The following ASZ1 variants were observed in gnomAD, a reference collection of about 807,000 sequenced individuals.
ASZ1 encodes ankyrin repeat, SAM and basic leucine zipper domain-containing protein 1.
In ASZ1, 67 loss-of-function variants were observed where a neutral mutation model predicts 61.8. The ratio of observed to expected loss-of-function variants is 1.08; its 90% CI spans 0.89 to 1.33. ASZ1 has a LOEUF of 1.33. ASZ1 is among the 40% of genes most tolerant of loss of function. The probability of loss-of-function intolerance (pLI) is 0.00; values close to 1 mark genes in which losing one functional copy is unlikely to be tolerated. For synonymous variants in ASZ1, 193 were observed against 192.7 expected (o/e 1.00, Z -0.01); for missense variants, 577 against 554.5 (o/e 1.04, Z -0.41).
chr7:117,387,166 T>G (rs76090701), intron 4 of ASZ1, among the ~76,000 whole-genome samples: 1 of 126,404 alleles, frequency 7.9e-6, no homozygotes, highest in Non-Finnish European at 1.6e-5. Context: ...AAAAAAAAAA[T>G]TAGCTGGATG....
In ASZ1 at chr7:117,427,394, C is replaced by G. The variant is rs1174627437; in HGVS notation, c.67G>C (p.Asp23His). 6.2e-7 allele frequency: 1 copy of G among 1,614,120 alleles called. No homozygotes were observed. The highest frequency in any genetic ancestry group is 1.3e-5 in the African/African-American group (1 of 74,952). Residue 23 changes from aspartate to histidine, a missense_variant, in exon 1 of 13, where the codon GAT becomes CAT. Physicochemically the swap from Asp to His is moderately conservative, Grantham distance 81. Transcript: ENST00000284629. Reference sequence around the variant, plus strand: ...TCGAGATACCCAATCTCCCAGCCATCATCCTCGCTCTCGCTACTCTCGCCT... The same window carrying G: ...TCGAGATACCCAATCTCCCAGCCATGATCCTCGCTCTCGCTACTCTCGCCT... ...GGGESSESED[D>H]GWEIGYLDRT... is the part of the protein sequence containing the mutation.
intron 12 of ASZ1, among the ~76,000 whole-genome samples, chr7:117,364,672 G>C (rs539199323): frequency 2.0e-5 from 3 of 152,062 alleles, no homozygotes; most frequent in Admixed American, 1.3e-4. Context: ...AAATTCTACA[G>C]TGTAAATATT....
chr7:117,420,863 G>C lies in ASZ1; in HGVS notation c.329-589C>G, dbSNP rs1562861818. Among the ~76,000 whole-genome samples the C allele has an allele frequency of 2.6e-5, 4 of 152,118 alleles. No homozygotes were observed. In the South Asian group the frequency reaches 8.3e-4, roughly 32 times the overall value. The stretch of plus-strand genomic sequence containing the variant: ...ACAAAAAACACCTATTTTGAATTAA[G>C]ACTTCAAAATAGGTCACAACAGCTA... On this transcript the variant is annotated intron_variant, in intron 3 of 12. Transcript: ENST00000284629.
At chr7:117,419,920 T>C (rs1284323678) in intron 4 of ASZ1, among the ~76,000 whole-genome samples, 1 of 152,226 alleles carries the variant, frequency 6.6e-6, no homozygotes, top group East Asian at 1.9e-4. Flanking sequence ...TATAGTTTAT[T>C]GTCCTCCTTT....
intron 4 of ASZ1, among the ~76,000 whole-genome samples, chr7:117,398,090 A>G (rs1335189992): frequency 6.6e-6 from 1 of 152,238 alleles, no homozygotes; most frequent in Non-Finnish European, 1.5e-5. Flanking sequence ...GTTGGTCTTC[A>G]TGTCATATTT....
intron 3 of ASZ1, 39 bp downstream of exon 3, chr7:117,422,198 C>A (rs961993116): frequency 1.3e-6 from 2 of 1,592,072 alleles, no homozygotes; most frequent in African/African-American, 2.7e-5. Flanking sequence ...CAAGGAATCA[C>A]AGTAAGCATA....
chr7:117,392,561 A>G (rs1253783593), intron 4 of ASZ1, among the ~76,000 whole-genome samples: 1 of 152,140 alleles, frequency 6.6e-6, no homozygotes, highest in Non-Finnish European at 1.5e-5. Context: ...GACTTTACTA[A>G]AGTTATTTAA....
chr7:117,372,908 T>C (rs1262150575), intron 10 of ASZ1, among the ~76,000 whole-genome samples: 2 of 152,170 alleles, frequency 1.3e-5, no homozygotes, highest in African/African-American at 4.8e-5. Context: ...ATAATTTTAA[T>C]GATGAAAAAA....
Position 117,382,104 on chromosome 7 carries a change from C to A in ASZ1, c.853G>T (p.Gly285Cys). 1.5e-5 allele frequency: 24 copies of A among 1,599,668 alleles called. No individual in the cohort carries two copies. Among genetic ancestry groups the A allele is most frequent in the Non-Finnish European group, 2.1e-5 (24 of 1,167,554 alleles). The stretch of plus-strand genomic sequence containing the variant: ...TCTGTCATATGTTCAAGTCCAAGAC[C>A]ATGTAAAAATACTTCCAGATCTCCA... ...AFGDLEVFLH[G>C]LGLEHMTDLL... Residue 285 changes from glycine to cysteine, a missense_variant, in exon 8 of 13, where the codon GGT becomes TGT. Physicochemically the swap from Gly to Cys is radical, Grantham distance 159. Transcript: ENST00000284629.
At chr7:117,385,599 A>G (rs776935474) in intron 5 of ASZ1, 99 bp downstream of exon 5, 6 of 983,172 alleles carry the variant, frequency 6.1e-6, no homozygotes, top group Non-Finnish European at 9.1e-6. Flanking sequence ...TAGCAATTAT[A>G]TTCCAGCCCT....
rs1296162068 is a variant in ASZ1, at chr7:117,427,452, C to T, written c.9G>A (p.Ala3=). ...CCACTGGCAGGCCTCGCAGCGCGCTCGCCGCCATGCCAGCCAAGGAAGCTC... is the reference window on the plus strand; with the variant it reads ...CCACTGGCAGGCCTCGCAGCGCGCTTGCCGCCATGCCAGCCAAGGAAGCTC... MA[A]SALRGLPVAG... Residue 3 remains alanine (A), a synonymous_variant, in exon 1 of 13, where the codon GCG becomes GCA. Transcript: ENST00000284629. The T allele has an allele frequency of 6.2e-7, 1 of 1,613,778 alleles. No individual in the cohort carries two copies. The highest frequency in any genetic ancestry group is 2.2e-5 in the East Asian group (1 of 44,868).
intron 3 of ASZ1, 24 bp from the exon 4 acceptor site, chr7:117,420,298 A>G: frequency 6.5e-7 from 1 of 1,526,852 alleles, no homozygotes. Flanking sequence ...AAAAGTGAGG[A>G]AAAATCCCCA....
At chr7:117,372,106 T>C (rs1796060578) in intron 10 of ASZ1, among the ~76,000 whole-genome samples, 2 of 152,176 alleles carry the variant, frequency 1.3e-5, no homozygotes, top group South Asian at 4.1e-4. Context: ...GTACAGTATA[T>C]AACCTACACA....
At chr7:117,368,390 C>T in intron 11 of ASZ1, 1 of 1,208,216 alleles carries the variant, frequency 8.3e-7, no homozygotes, top group Non-Finnish European at 1.0e-6. Flanking sequence ...AATTTTTGGT[C>T]TGACTCATTT....
chr7:117,421,151 TTAA>T (rs1797092889), intron 3 of ASZ1, among the ~76,000 whole-genome samples: 1 of 152,234 alleles, frequency 6.6e-6, no homozygotes, highest in Admixed American at 6.5e-5. Context: ...TAATTATTAA[TTAA>T]TTTTTTGAGC....
chr7:117,381,933 G>A (rs932826242), intron 8 of ASZ1, 136 bp downstream of exon 8: 5 of 606,710 alleles, frequency 8.2e-6, no homozygotes, highest in Non-Finnish European at 1.5e-5. Flanking sequence ...ATTTAAAATT[G>A]GGATGTACTA....
intron 4 of ASZ1, among the ~76,000 whole-genome samples, chr7:117,400,347 GA>G (rs1796656547): frequency 6.6e-6 from 1 of 152,138 alleles, no homozygotes; most frequent in Admixed American, 6.6e-5. Context: ...AATATGCCTG[GA>G]GACACAGTAG....
intron 2 of ASZ1, among the ~76,000 whole-genome samples, chr7:117,423,229 G>A (rs577713238): frequency 6.6e-6 from 1 of 151,892 alleles, no homozygotes; most frequent in Non-Finnish European, 1.5e-5. Context: ...TTTGTATTTT[G>A]TTGTTTTTTT....
chr7:117,381,911 T>C (rs1208895509), intron 8 of ASZ1, among the ~76,000 whole-genome samples, 158 bp downstream of exon 8: 1 of 152,190 alleles, frequency 6.6e-6, no homozygotes. Flanking sequence ...ATTTTTGCAA[T>C]GTTTTTCACA....
Sources: gnomAD v4.1 joint callset for allele counts (sites outside exome capture counted in the v4.1 genomes callset) on GRCh38, gnomAD v4.1.1 for gene constraint, MANE v1.5 for transcripts, NCBI Gene and HGNC (gene_info 2026-07-23, HGNC 2026-07-21) for gene names.